RFTN1: variants seen among roughly 807,000 people sequenced by gnomAD.
RFTN1 encodes raftlin.
Under a neutral mutation model 46.5 loss-of-function variants are expected in RFTN1, and 26 were observed. The ratio of observed to expected loss-of-function variants is 0.56; its 90% confidence interval spans 0.41 to 0.78. The LOEUF is 0.78. Ranked by LOEUF, RFTN1 falls within the 30% of genes least tolerant of loss-of-function variation. RFTN1 has a pLI of 0.00. For synonymous variants in RFTN1, 261 were observed against 284.2 expected (o/e 0.92, Z 0.82); for missense variants, 693 against 718.7 (o/e 0.96, Z 0.41).
chr3:16,454,264 T>A (rs77197813), intron 2 of RFTN1, among the ~76,000 whole-genome samples: 9,730 of 152,306 alleles, frequency 0.064, 533 homozygotes, highest in East Asian at 0.22. Context: ...TGCCCCACAT[T>A]GGTCTTATCA....
intron 3 of RFTN1, among the ~76,000 whole-genome samples, chr3:16,420,730 A>G (rs2075167987): frequency 6.6e-6 from 1 of 152,240 alleles, no homozygotes; most frequent in Non-Finnish European, 1.5e-5. Flanking sequence ...GAAGAATTGA[A>G]TTTTTATTCT....
rs894591775 is a variant in RFTN1, at chr3:16,481,216, G to A, written c.145+12509C>T. Among the ~76,000 whole-genome samples the A allele has an allele frequency of 6.6e-6, 1 of 152,058 alleles. No individual in the cohort carries two copies. The highest frequency in any genetic ancestry group is 1.5e-5 in the Non-Finnish European group (1 of 68,022). On this transcript the variant is annotated intron_variant, in intron 2 of 9. Coordinates refer to ENST00000334133, the MANE Select transcript of RFTN1 (RefSeq NM_015150.2). The surrounding 1 kb of genome is among the most constrained non-coding windows in gnomAD (Gnocchi z 5.1). ...GTGAATATTTAACAATAACACTAAC[G>A]CTAATAGCAGACTTGGTCGCAACAT... is the stretch of plus-strand genomic sequence containing the variant.
In RFTN1 at chr3:16,327,872, C is replaced by G. The variant is rs564448640; in HGVS notation, c.1147-996G>C. Among the ~76,000 whole-genome samples, 15 of 152,224 alleles carry G rather than the reference C, an allele frequency of 9.9e-5. No homozygotes were observed. Among genetic ancestry groups the G allele is most frequent in the Non-Finnish European group, 2.1e-4 (14 of 68,036 alleles). Reference sequence around the variant, plus strand: ...ACCTCTGCAGGCGTTCTCACTGCAACAGGCCTCATTTCTTACTACGGGTTC... The same window carrying G: ...ACCTCTGCAGGCGTTCTCACTGCAAGAGGCCTCATTTCTTACTACGGGTTC... On this transcript the variant is annotated intron_variant, in intron 7 of 9. Coordinates refer to ENST00000334133, the MANE Select transcript of RFTN1 (RefSeq NM_015150.2). The surrounding 1 kb of genome is among the most constrained non-coding windows in gnomAD (Gnocchi z 4.2).
rs62234667 is a variant in RFTN1 at position 16,480,998 on chromosome 3, G to C, written c.145+12727C>G. Among the ~76,000 whole-genome samples the C allele has an allele frequency of 7.9e-4, 115 of 145,860 alleles. 1 individual carries two copies. Among genetic ancestry groups the C allele is most frequent in the Middle Eastern group, 3.5e-3 (1 of 282 alleles). On this transcript the variant is annotated intron_variant, in intron 2 of 9. Coordinates refer to ENST00000334133, the MANE Select transcript of RFTN1 (RefSeq NM_015150.2). The surrounding 1 kb of genome is among the most constrained non-coding windows in gnomAD (Gnocchi z 4.3). ...ATATGCACATGCACACACACACACA[G>C]ACACACACACACACACACACACACA...
chr3:16,323,863 C>T (rs1242643771), intron 8 of RFTN1, among the ~76,000 whole-genome samples: 3 of 152,184 alleles, frequency 2.0e-5, no homozygotes, highest in South Asian at 4.1e-4. Context: ...CCAGCTGCTA[C>T]AGGACAGTGG....
At chr3:16,405,182 C>T (rs2074822900) in intron 4 of RFTN1, among the ~76,000 whole-genome samples, 1 of 152,096 alleles carries the variant, frequency 6.6e-6, no homozygotes, top group African/African-American at 2.4e-5. Flanking sequence ...ACGGACCTGC[C>T]AGCCACACAG....
intron 4 of RFTN1, among the ~76,000 whole-genome samples, chr3:16,394,473 G>A (rs1320296058): frequency 6.6e-6 from 1 of 152,174 alleles, no homozygotes; most frequent in Non-Finnish European, 1.5e-5. Context: ...CACAGACACA[G>A]TGCTGAGCAA....
rs1344304913 is a variant in RFTN1, at chr3:16,321,176, G to T, written c.1332+2200C>A. Among the ~76,000 whole-genome samples the T allele has an allele frequency of 6.6e-6, 1 of 152,080 alleles. No homozygotes were observed. Among genetic ancestry groups the T allele is most frequent in the Non-Finnish European group, 1.5e-5 (1 of 68,010 alleles). On this transcript the variant is annotated intron_variant, in intron 9 of 9. Coordinates refer to ENST00000334133, the MANE Select transcript of RFTN1 (RefSeq NM_015150.2). This position sits in a 1 kb window ranked among gnomAD's most constrained non-coding sequence, Gnocchi z 4.8. ...CCAGGTGGGCGAGGTATGGGGAGGG[G>T]GACAGTCATAGGTTTCCTCGAGCCA...
At chr3:16,347,226 C>T (rs759682115) in intron 7 of RFTN1, among the ~76,000 whole-genome samples, 5 of 152,250 alleles carry the variant, frequency 3.3e-5, no homozygotes, top group Admixed American at 1.3e-4. Flanking sequence ...AGACTTTTCA[C>T]ATGCAAACAT....
chr3:16,399,105 TGCTCCA>T (rs2074542015), intron 4 of RFTN1, among the ~76,000 whole-genome samples: 1 of 152,206 alleles, frequency 6.6e-6, no homozygotes, highest in Admixed American at 6.5e-5. Flanking sequence ...ATATGATATG[TGCTCCA>T]AATGCTAAAA....
chr3:16,368,382 G>T (rs1250796122), intron 6 of RFTN1, among the ~76,000 whole-genome samples: 1 of 152,178 alleles, frequency 6.6e-6, no homozygotes, highest in Non-Finnish European at 1.5e-5. Context: ...TTAAAGACAC[G>T]TATATTCGGC....
At chr3:16,319,085 A>G (rs573111748) in intron 9 of RFTN1, among the ~76,000 whole-genome samples, 1 of 152,316 alleles carries the variant, frequency 6.6e-6, no homozygotes, top group South Asian at 2.1e-4. Flanking sequence ...GCCCTGTGTT[A>G]GGCAGCTGCC....
At chr3:16,508,577 A>C (rs2076847773) in intron 1 of RFTN1, among the ~76,000 whole-genome samples, 1 of 152,144 alleles carries the variant, frequency 6.6e-6, no homozygotes, top group Non-Finnish European at 1.5e-5. Flanking sequence ...TTTTATGAGA[A>C]AGTGTCTTGA....
Position 16,348,427 on chromosome 3 carries a change from C to T in RFTN1, c.1146+9505G>A, listed in dbSNP as rs1011013983. Among the ~76,000 whole-genome samples the T allele has an allele frequency of 2.0e-5, 3 of 152,184 alleles. No homozygotes were observed. The highest frequency in any genetic ancestry group is 7.2e-5 in the African/African-American group (3 of 41,438). On this transcript the variant is annotated intron_variant, in intron 7 of 9. Coordinates refer to ENST00000334133, the MANE Select transcript of RFTN1 (RefSeq NM_015150.2). The surrounding 1 kb of genome is among the most constrained non-coding windows in gnomAD (Gnocchi z 6.3). ...CCTCTGCTCCTGTCACTTCCCACAG[C>T]AGGAAGCCCCCACACTCAATTCCCT...
Position 16,356,553 on chromosome 3 carries a change from T to A in RFTN1, c.1146+1379A>T, listed in dbSNP as rs2072447323. ...CTGGGAACTGCTGCAGCTTCAAAGC[T>A]GAGTAATAGTGTCCCGGGGGACATC... On this transcript the variant is annotated intron_variant, in intron 7 of 9. Coordinates refer to ENST00000334133, the MANE Select transcript of RFTN1 (RefSeq NM_015150.2). This position sits in a 1 kb window ranked among gnomAD's most constrained non-coding sequence, Gnocchi z 4.9. Among the ~76,000 whole-genome samples the A allele has an allele frequency of 6.6e-6, 1 of 152,256 alleles. No individual in the cohort carries two copies. Among genetic ancestry groups the A allele is most frequent in the Non-Finnish European group, 1.5e-5 (1 of 68,048 alleles).
chr3:16,351,535 A>C lies in RFTN1; in HGVS notation c.1146+6397T>G, dbSNP rs938832327. ...AGTCTGCGGGGTTGCAGAGGCTGTA[A>C]TGATACCCTAAGCCATTCTACCTGA... On this transcript the variant is annotated intron_variant, in intron 7 of 9. Coordinates refer to ENST00000334133, the MANE Select transcript of RFTN1 (RefSeq NM_015150.2). This position sits in a 1 kb window ranked among gnomAD's most constrained non-coding sequence, Gnocchi z 5.4. 6.6e-6 allele frequency among the ~76,000 whole-genome samples: 1 copy of C among 152,194 alleles called. No individual in the cohort carries two copies. The highest frequency in any genetic ancestry group is 1.5e-5 in the Non-Finnish European group (1 of 68,034).
At position 16,513,683 on chromosome 3, in the gene RFTN1, C is replaced by G. The variant is rs1693775225; in HGVS notation, c.-250G>C. 1.3e-5 allele frequency: 2 copies of G among 150,690 alleles called. No individual in the cohort carries two copies. The highest frequency in any genetic ancestry group is 6.6e-5 in the Admixed American group (1 of 15,040). 9.3% of individuals were successfully genotyped at this position (150,690 alleles called of 1,614,324 possible). On this transcript the variant is annotated 5_prime_UTR_variant, in exon 1 of 10. Transcript: ENST00000334133. This position sits in a 1 kb window ranked among gnomAD's most constrained non-coding sequence, Gnocchi z 5.4. The stretch of plus-strand genomic sequence containing the variant: ...CTCGCTCGCTGCGCCCAGCGCCCGG[C>G]GCGCTCCGGCTCCAGCCCCGACGCG...
At chr3:16,445,921 GT>G (rs77444396) in intron 2 of RFTN1, among the ~76,000 whole-genome samples, 3,307 of 145,198 alleles carry the variant, frequency 0.023, 46 homozygotes, top group African/African-American at 0.024. Flanking sequence ...GTTCATTGAA[GT>G]TTTTTTTTTT....
chr3:16,343,538 CTGA>C (rs764657548), intron 7 of RFTN1, among the ~76,000 whole-genome samples: 88 of 152,286 alleles, frequency 5.8e-4, no homozygotes, highest in Non-Finnish European at 1.1e-3. Context: ...CTAGAGTCTG[CTGA>C]TGTTTCTCAT....
Sources: gnomAD v4.1 joint callset for allele counts (sites outside exome capture counted in the v4.1 genomes callset) on GRCh38, gnomAD v4.1.1 for gene constraint, Gnocchi (gnomAD v3.1) non-coding constraint, MANE v1.5 for transcripts, NCBI Gene and HGNC (gene_info 2026-07-23, HGNC 2026-07-21) for gene names.